Variants in TSHZ2 observed in about 807,000 individuals in gnomAD.
TSHZ2 encodes the protein teashirt homolog 2.
TSHZ2 carries 21 observed loss-of-function variants against 74.4 expected under a neutral mutation model. The ratio of observed to expected loss-of-function variants is 0.28; its 90% CI spans 0.20 to 0.41. The LOEUF is 0.41. Among genes scored for constraint, TSHZ2 ranks in the 10% least tolerant of loss-of-function variants. The pLI is 1.00. For synonymous variants in TSHZ2, 540 were observed against 515.3 expected (o/e 1.05, Z -0.65); for missense variants, 1,244 against 1,293.5 (o/e 0.96, Z 0.59).
intron 1 of TSHZ2, among the ~76,000 whole-genome samples, chr20:53,104,919 G>A (rs866523423): frequency 1.3e-5 from 2 of 152,270 alleles, no homozygotes; most frequent in Middle Eastern, 6.8e-3. Flanking sequence ...CACCTTTCCC[G>A]GGAGAGTTTT....
At chr20:53,044,266 T>G (rs986006595) in intron 1 of TSHZ2, among the ~76,000 whole-genome samples, 2 of 152,138 alleles carry the variant, frequency 1.3e-5, no homozygotes, top group African/African-American at 2.4e-5. Flanking sequence ...GATTTTGGAG[T>G]CTTGGATTTC....
chr20:53,140,096 A>C (rs964915872), intron 1 of TSHZ2, among the ~76,000 whole-genome samples: 2 of 152,210 alleles, frequency 1.3e-5, no homozygotes, highest in South Asian at 4.1e-4. Flanking sequence ...GTGTTGAACA[A>C]GACAGAACAG....
At chr20:53,111,780 A>C (rs1353131887) in intron 1 of TSHZ2, among the ~76,000 whole-genome samples, 2 of 152,198 alleles carry the variant, frequency 1.3e-5, no homozygotes, top group Non-Finnish European at 2.9e-5. Flanking sequence ...AGATCGAGCC[A>C]GGAAAGTCAG....
chr20:53,100,469 A>C (rs556930735), intron 1 of TSHZ2, among the ~76,000 whole-genome samples: 46 of 152,338 alleles, frequency 3.0e-4, no homozygotes, highest in African/African-American at 9.9e-4. Context: ...TAATGGAGTC[A>C]CTTTAATGTT....
chr20:53,167,553 G>T (rs1045784948), intron 1 of TSHZ2, among the ~76,000 whole-genome samples: 1 of 151,974 alleles, frequency 6.6e-6, no homozygotes, highest in African/African-American at 2.4e-5. Flanking sequence ...TGTTTTGTTT[G>T]TTTGCTTGCT....
chr20:53,385,912 G>A (rs114376274), intron 2 of TSHZ2, among the ~76,000 whole-genome samples: 46 of 152,298 alleles, frequency 3.0e-4, no homozygotes, highest in African/African-American at 1.1e-3. Context: ...GAAAAGTAGA[G>A]ACCAGATCAC....
Position 53,066,376 on chromosome 20 carries a change from C to T in TSHZ2, c.40+93043C>T, listed in dbSNP as rs143531947. On this transcript the variant is annotated intron_variant, in intron 1 of 2. Coordinates refer to ENST00000371497, the MANE Select transcript of TSHZ2 (RefSeq NM_173485.6). ...GCTTCTCCTTCACTGCCCCCCACCC[C>T]CCACAATTTTCACATTCCTCTCAAT... Among the ~76,000 whole-genome samples, 148 of 152,214 alleles carry T rather than the reference C, an allele frequency of 9.7e-4. 3 individuals are homozygous for T. Among genetic ancestry groups the T allele is most frequent in the African/African-American group, 3.4e-3 (143 of 41,524 alleles).
intron 2 of TSHZ2, among the ~76,000 whole-genome samples, chr20:53,289,141 G>T (rs1297537066): frequency 6.6e-6 from 1 of 152,102 alleles, no homozygotes; most frequent in East Asian, 1.9e-4. Context: ...CAAATTCCAT[G>T]ATTTCACTCC....
chr20:53,210,511 T>C (rs1478826255), intron 1 of TSHZ2, among the ~76,000 whole-genome samples: 2 of 152,136 alleles, frequency 1.3e-5, no homozygotes, highest in East Asian at 1.9e-4. Context: ...TGAATTCCTG[T>C]CAGCATTCAG....
chr20:53,287,146 A>G (rs1447752423), intron 2 of TSHZ2, among the ~76,000 whole-genome samples: 1 of 152,242 alleles, frequency 6.6e-6, no homozygotes, highest in African/African-American at 2.4e-5. Context: ...TATATTGTGA[A>G]TAAGTATTTA....
At chr20:53,374,266 T>A (rs1050264375) in intron 2 of TSHZ2, among the ~76,000 whole-genome samples, 2 of 151,998 alleles carry the variant, frequency 1.3e-5, no homozygotes, top group African/African-American at 4.8e-5. Context: ...TCTGTGTTAC[T>A]TCACTTAAGA....
At chr20:53,186,277 A>G (rs1988597441) in intron 1 of TSHZ2, among the ~76,000 whole-genome samples, 1 of 152,218 alleles carries the variant, frequency 6.6e-6, no homozygotes, top group Non-Finnish European at 1.5e-5. Context: ...AATTTAGGAC[A>G]TTCTTTTAGA....
chr20:53,140,433 A>G (rs549015547), intron 1 of TSHZ2, among the ~76,000 whole-genome samples: 5 of 149,472 alleles, frequency 3.3e-5, no homozygotes, highest in Admixed American at 2.0e-4. Context: ...CCAGCTACTC[A>G]GGAGGCTGAG....
intron 1 of TSHZ2, among the ~76,000 whole-genome samples, chr20:53,167,616 G>T (rs952191642): frequency 6.6e-6 from 1 of 152,016 alleles, no homozygotes; most frequent in African/African-American, 2.4e-5. Context: ...TTTAATAAGG[G>T]ACTCTAGGTA....
rs1172670857 is a variant in TSHZ2 at position 53,413,202 on chromosome 20, A to C, written c.*9-73942A>C. 2.0e-5 allele frequency among the ~76,000 whole-genome samples: 3 copies of C among 152,328 alleles called. No individual in the cohort carries two copies. The East Asian group carries it at 5.8e-4, about 29-fold the overall frequency. ...CCTCAGAGAGAGCTGGGGTGTTTAC[A>C]AACCAACTCCCGCTGATCGGTGGCT... On this transcript the variant is annotated intron_variant, in intron 2 of 2. Coordinates refer to ENST00000371497, the MANE Select transcript of TSHZ2 (RefSeq NM_173485.6).
chr20:52,997,180 G>C (rs561130304), intron 1 of TSHZ2, among the ~76,000 whole-genome samples: 1 of 152,078 alleles, frequency 6.6e-6, no homozygotes, highest in Non-Finnish European at 1.5e-5. Flanking sequence ...CTCTTTCTTC[G>C]TCCTGTCCCC....
intron 2 of TSHZ2, among the ~76,000 whole-genome samples, chr20:53,407,256 G>T (rs1440053154): frequency 6.6e-6 from 1 of 151,896 alleles, no homozygotes; most frequent in Non-Finnish European, 1.5e-5. Flanking sequence ...ATTCAGCTTG[G>T]CCCCCAATCC....
At chr20:53,136,913 G>T (rs1184325048) in intron 1 of TSHZ2, among the ~76,000 whole-genome samples, 1 of 150,764 alleles carries the variant, frequency 6.6e-6, no homozygotes, top group Non-Finnish European at 1.5e-5. Flanking sequence ...CTTCTTTCTT[G>T]TTAAGTGAAG....
chr20:53,020,457 C>T (rs746125940), intron 1 of TSHZ2, among the ~76,000 whole-genome samples: 1 of 152,138 alleles, frequency 6.6e-6, no homozygotes, highest in Non-Finnish European at 1.5e-5. Flanking sequence ...GCATTACAAG[C>T]TAGGATCTGG....
Sources: allele counts gnomAD v4.1 joint callset (sites outside exome capture counted in the v4.1 genomes callset), GRCh38; gene constraint gnomAD v4.1.1; transcripts MANE v1.5; gene names NCBI Gene and HGNC (gene_info 2026-07-23, HGNC 2026-07-21).